Variants in CYS1 observed in about 807,000 individuals in gnomAD.
CYS1 encodes the protein cystin-1.
Under a neutral mutation model 9.6 loss-of-function variants are expected in CYS1, and 5 were observed. The ratio of observed to expected loss-of-function variants is 0.52; its 90% CI spans 0.27 to 1.10. CYS1 has a LOEUF of 1.10. CYS1 is among the 50% of genes least tolerant of loss of function. The pLI is 0.11. For missense variants in CYS1, 221 were observed against 207.9 expected (o/e 1.06, Z -0.39); for synonymous variants, 88 against 95.7 (o/e 0.92, Z 0.47).
In CYS1 at chr2:10,080,113, C is replaced by T; in HGVS notation, c.111G>A (p.Arg37=). 1 of 1,027,440 alleles carries T rather than the reference C, an allele frequency of 9.7e-7. No homozygotes were observed. Among genetic ancestry groups the T allele is most frequent in the Non-Finnish European group, 1.2e-6 (1 of 858,802 alleles). The allele number at this position is 1,027,440 out of a possible 1,614,324, so 63.6% of individuals were successfully genotyped here. The change falls in exon 1 of 3, where the codon CGG becomes CGA. Residue 37 remains arginine, a synonymous_variant. Transcript: ENST00000381813. The surrounding 1 kb of genome is among the most constrained non-coding windows in gnomAD (Gnocchi z 6.4). ...GGACCTCGGCCGCCGCCACCGGCAC[C>T]CGCCGGCGGGTCCCGCCCTCCAGGG... ...AAALEGGTRR[R]VPVAAAEVPG...
chr2:10,074,151 A>G (rs141042105), intron 1 of CYS1, among the ~76,000 whole-genome samples: 2 of 152,284 alleles, frequency 1.3e-5, no homozygotes, highest in East Asian at 3.9e-4. Flanking sequence ...ATCAGCCACT[A>G]TCCAAATGCT....
At chr2:10,065,789 T>C in intron 2 of CYS1, 115 bp downstream of exon 2, 1 of 1,024,288 alleles carries the variant, frequency 9.8e-7, no homozygotes, top group Non-Finnish European at 1.5e-6. Context: ...GAGCTGCCTC[T>C]GGAAACCTCG....
At chr2:10,064,967 C>G (rs1374188885) in intron 2 of CYS1, among the ~76,000 whole-genome samples, 3 of 151,452 alleles carry the variant, frequency 2.0e-5, no homozygotes, top group Admixed American at 1.3e-4. Context: ...CTCTTGAACT[C>G]CTGACCTCAA....
Position 10,065,973 on chromosome 2 carries a change from T to C in CYS1, c.319-17A>G. The C allele has an allele frequency of 6.2e-7, 1 of 1,614,070 alleles. No individual in the cohort carries two copies. Among genetic ancestry groups the C allele is most frequent in the Admixed American group, 1.7e-5 (1 of 60,016 alleles). On this transcript the variant is annotated splice_polypyrimidine_tract_variant and intron_variant, in intron 1 of 2. Transcript: ENST00000381813. ...TGCGCACACCTTGAGAAAGATGAAATGAAGAGACATTCAAAGATTGTCAAC... is the reference window on the plus strand; with the variant it reads ...TGCGCACACCTTGAGAAAGATGAAACGAAGAGACATTCAAAGATTGTCAAC...
In CYS1 at chr2:10,076,601, T is replaced by G. The variant is rs1661847260; in HGVS notation, c.318+3305A>C. Among the ~76,000 whole-genome samples the G allele has an allele frequency of 2.0e-5, 3 of 152,212 alleles. No homozygotes were observed. Among genetic ancestry groups the G allele is most frequent in the Non-Finnish European group, 4.4e-5 (3 of 68,034 alleles). ...CAGCAGCTGAGCACGCCCTCCGTCCTAAGCACCTTCCTCCCTTGGCTTCCG... is the reference window on the plus strand; with the variant it reads ...CAGCAGCTGAGCACGCCCTCCGTCCGAAGCACCTTCCTCCCTTGGCTTCCG... On this transcript the variant is annotated intron_variant, in intron 1 of 2. Coordinates refer to ENST00000381813, the MANE Select transcript of CYS1 (RefSeq NM_001037160.3). This position sits in a 1 kb window ranked among gnomAD's most constrained non-coding sequence, Gnocchi z 4.3.
intron 2 of CYS1, among the ~76,000 whole-genome samples, chr2:10,060,401 C>T (rs1036584076): frequency 8.5e-5 from 13 of 152,208 alleles, no homozygotes; most frequent in African/African-American, 2.9e-4. Flanking sequence ...GTCTGGCTCT[C>T]TGGGAACTCA....
chr2:10,064,910 T>C (rs79426592), intron 2 of CYS1, among the ~76,000 whole-genome samples: 2 of 150,998 alleles, frequency 1.3e-5, no homozygotes, highest in African/African-American at 4.9e-5. Context: ...TTTTTTTTTT[T>C]GGTATTTTTT....
intron 1 of CYS1, among the ~76,000 whole-genome samples, chr2:10,067,493 C>T (rs1353621407): frequency 1.3e-5 from 2 of 150,874 alleles, no homozygotes; most frequent in East Asian, 1.9e-4. Flanking sequence ...CTGCAGCCTC[C>T]ACCTCCCAGG....
chr2:10,072,663 G>C (rs959616077), intron 1 of CYS1, among the ~76,000 whole-genome samples: 2 of 152,200 alleles, frequency 1.3e-5, no homozygotes, highest in African/African-American at 4.8e-5. Flanking sequence ...AAGGAAACTT[G>C]AACATGTACA....
chr2:10,062,164 C>T (rs763285948), intron 2 of CYS1, among the ~76,000 whole-genome samples: 4 of 152,092 alleles, frequency 2.6e-5, no homozygotes, highest in East Asian at 1.9e-4. Flanking sequence ...TGTGCCACCA[C>T]GCCTGGCTAA....
At position 10,076,700 on chromosome 2, in the gene CYS1, G is replaced by A. The variant is rs901820770; in HGVS notation, c.318+3206C>T. ...TCTATCTCCTCAACCTTTGAACAGC[G>A]TGCTCAACCCCTGGCCTCGTCCCAC... On this transcript the variant is annotated intron_variant, in intron 1 of 2. Coordinates refer to ENST00000381813, the MANE Select transcript of CYS1 (RefSeq NM_001037160.3). This position sits in a 1 kb window ranked among gnomAD's most constrained non-coding sequence, Gnocchi z 4.3. Among the ~76,000 whole-genome samples the A allele has an allele frequency of 2.6e-5, 4 of 152,024 alleles. No individual in the cohort carries two copies. Among genetic ancestry groups the A allele is most frequent in the South Asian group, 2.1e-4 (1 of 4,824 alleles).
chr2:10,079,526 G>A (rs969536724), intron 1 of CYS1, among the ~76,000 whole-genome samples: 1 of 152,156 alleles, frequency 6.6e-6, no homozygotes, highest in African/African-American at 2.4e-5. Flanking sequence ...CTGGACCGGT[G>A]GGCGCGGCAG....
chr2:10,066,018 T>G, intron 1 of CYS1, 62 bp from the exon 2 acceptor site: 2 of 1,596,760 alleles, frequency 1.3e-6, no homozygotes. Flanking sequence ...TGCCTAAGGC[T>G]TTGGCTTTGT....
intron 2 of CYS1, among the ~76,000 whole-genome samples, chr2:10,060,917 G>A (rs982398955): frequency 2.0e-5 from 3 of 152,210 alleles, no homozygotes; most frequent in South Asian, 2.1e-4. Flanking sequence ...AAGTCGCTGC[G>A]ATGCTGTTAG....
At chr2:10,074,839 C>T (rs982786308) in intron 1 of CYS1, among the ~76,000 whole-genome samples, 28 of 152,166 alleles carry the variant, frequency 1.8e-4, no homozygotes, top group African/African-American at 6.5e-4. Context: ...GGGCCAGGTG[C>T]GGTCGCTCAT....
At chr2:10,060,390 C>T (rs942314039) in intron 2 of CYS1, among the ~76,000 whole-genome samples, 4 of 152,236 alleles carry the variant, frequency 2.6e-5, no homozygotes, top group Non-Finnish European at 4.4e-5. Flanking sequence ...TCCGGGTCCC[C>T]GTCTGGCTCT....
intron 2 of CYS1, 57 bp from the exon 3 acceptor site, chr2:10,059,015 A>G: frequency 3.4e-6 from 5 of 1,478,296 alleles, no homozygotes; most frequent in East Asian, 2.5e-5. Context: ...GTTCACACTC[A>G]TTTCCCCTGG....
In CYS1 at chr2:10,065,974, G is replaced by A. The variant is rs375641931; in HGVS notation, c.319-18C>T. On this transcript the variant is annotated intron_variant, in intron 1 of 2. Coordinates refer to ENST00000381813, the MANE Select transcript of CYS1 (RefSeq NM_001037160.3). ...GCGCACACCTTGAGAAAGATGAAAT[G>A]AAGAGACATTCAAAGATTGTCAACA... The A allele has an allele frequency of 4.3e-6, 7 of 1,614,006 alleles. No homozygotes were observed. The African/African-American group carries it at 8.0e-5, about 18-fold the overall frequency.
rs1307193627 is a variant in CYS1 at position 10,073,234 on chromosome 2, G to T, written c.318+6672C>A. Among the ~76,000 whole-genome samples, 3 of 146,378 alleles carry T rather than the reference G, an allele frequency of 2.0e-5. No individual in the cohort carries two copies. The Admixed American group carries it at 2.1e-4, about 10-fold the overall frequency. On this transcript the variant is annotated intron_variant, in intron 1 of 2. Transcript: ENST00000381813. The stretch of plus-strand genomic sequence containing the variant: ...GCCCCCCCCCCCCCCCCGGCTGTGG[G>T]CTGCCAGTCCAGGGCCCGTCTCCAC...
Sources: allele counts gnomAD v4.1 joint callset (sites outside exome capture counted in the v4.1 genomes callset), GRCh38; gene constraint gnomAD v4.1.1; non-coding constraint Gnocchi (gnomAD v3.1); transcripts MANE v1.5; gene names NCBI Gene and HGNC (gene_info 2026-07-23, HGNC 2026-07-21).